The following TEX36 variants were observed in gnomAD, a reference collection of about 807,000 sequenced individuals.
The protein encoded by TEX36 is testis-expressed protein 36.
A neutral mutation model predicts 13.6 loss-of-function variants in TEX36; 12 were observed. The ratio of observed to expected loss-of-function variants is 0.88; its 90% CI spans 0.56 to 1.43. The LOEUF (loss-of-function observed/expected upper bound fraction) is 1.43, where lower values mean the gene tolerates loss of function less well. TEX36 is among the 40% of genes most tolerant of loss of function. The pLI is 0.00. For missense variants in TEX36, 224 were observed against 228.3 expected, an observed-to-expected ratio of 0.98 and a Z score of 0.12; for synonymous variants, 93 against 83.0, an observed-to-expected ratio of 1.12 and a Z score of -0.65.
At chr10:125,614,101 G>A (rs11244579) in intron 3 of TEX36, among the ~76,000 whole-genome samples, 7,001 of 152,222 alleles carry the variant, frequency 0.046, 181 homozygotes, top group East Asian at 0.085. Flanking sequence ...GTTTGTTCAT[G>A]TCCTTTGCCC....
chr10:125,605,895 C>T (rs1285540712), intron 3 of TEX36, among the ~76,000 whole-genome samples: 1 of 152,222 alleles, frequency 6.6e-6, no homozygotes, highest in Non-Finnish European at 1.5e-5. Flanking sequence ...AGCCACCACG[C>T]CCAGCCAGAT....
chr10:125,595,099 A>G (rs987091002), intron 3 of TEX36, among the ~76,000 whole-genome samples: 5 of 152,224 alleles, frequency 3.3e-5, no homozygotes, highest in Admixed American at 2.6e-4. Flanking sequence ...TGAAAATGTA[A>G]GTGAAAATGA....
At chr10:125,603,812 T>G (rs1426939676) in intron 3 of TEX36, among the ~76,000 whole-genome samples, 5 of 151,694 alleles carry the variant, frequency 3.3e-5, no homozygotes, top group African/African-American at 1.2e-4. Context: ...TACACCCCCC[T>G]CCACCGGAAC....
At chr10:125,604,556 G>A (rs555074891) in intron 3 of TEX36, among the ~76,000 whole-genome samples, 92 of 152,166 alleles carry the variant, frequency 6.0e-4, no homozygotes, top group Non-Finnish European at 1.2e-3. Flanking sequence ...GCTCATGCCT[G>A]CAATCCCAGC....
chr10:125,582,937 A>G (rs570352755), intron 3 of TEX36, among the ~76,000 whole-genome samples: 1 of 152,320 alleles, frequency 6.6e-6, no homozygotes, highest in South Asian at 2.1e-4. Context: ...TTCCATGGAG[A>G]TCTATTCCAC....
chr10:125,618,700 C>T (rs1846388444), downstream of TEX36, among the ~76,000 whole-genome samples: 1 of 152,092 alleles, frequency 6.6e-6, no homozygotes, highest in Non-Finnish European at 1.5e-5. Flanking sequence ...AGTGCAGGTC[C>T]TGCCCACCCT....
At chr10:125,592,899 G>A (rs1846038902) in intron 3 of TEX36, among the ~76,000 whole-genome samples, 1 of 152,196 alleles carries the variant, frequency 6.6e-6, no homozygotes, top group Non-Finnish European at 1.5e-5. Flanking sequence ...CCTAGGATGA[G>A]GTATGGAGGA....
chr10:125,618,681 C>A (rs934041643), downstream of TEX36, among the ~76,000 whole-genome samples: 1 of 152,016 alleles, frequency 6.6e-6, no homozygotes, highest in Non-Finnish European at 1.5e-5. Context: ...GATACCATGG[C>A]CTTCAGCTAG....
intron 3 of TEX36, among the ~76,000 whole-genome samples, chr10:125,577,904 A>G (rs1193037927): frequency 6.6e-6 from 1 of 152,268 alleles, no homozygotes; most frequent in Non-Finnish European, 1.5e-5. Flanking sequence ...AGAGAGGAGA[A>G]AGAAAGATTA....
Position 125,661,979 on chromosome 10 carries a change from T to G in TEX36, c.52-2A>C. 6.4e-7 allele frequency: 1 copy of G among 1,552,402 alleles called. No homozygotes were observed. Among genetic ancestry groups the G allele is most frequent in the African/African-American group, 1.4e-5 (1 of 73,170 alleles). On this transcript the variant is annotated splice_acceptor_variant, in intron 1 of 3. Coordinates refer to ENST00000368821, the MANE Select transcript of TEX36 (RefSeq NM_001128202.3). LOFTEE classifies it high-confidence loss of function. ...TTGCGTTAGCCCGATGTGAGGGAAC[T>G]GGAAGAACAGCACACGCCTTGATTA... is the stretch of plus-strand genomic sequence containing the variant.
At chr10:125,659,618 T>C (rs897213414) in intron 3 of TEX36, among the ~76,000 whole-genome samples, 1 of 152,132 alleles carries the variant, frequency 6.6e-6, no homozygotes, top group African/African-American at 2.4e-5. Flanking sequence ...GAAAACCAGA[T>C]TTCTGGGGTT....
rs141145297 is a variant in TEX36, at chr10:125,637,532, GC to G, written c.265-15888del. On this transcript the variant is annotated intron_variant, in intron 3 of 3. Transcript: ENST00000526819. ...TCACATCTTAGCGATTGTGAACAGT[GC>G]TGCAGTGAACAGAGGAGTGCACACA... Among the ~76,000 whole-genome samples the G allele has an allele frequency of 8.2e-3, 1,252 of 152,264 alleles. 17 individuals carry two copies. The highest frequency in any genetic ancestry group is 0.028 in the African/African-American group (1,180 of 41,542).
At chr10:125,625,646 A>G (rs916224319) in intron 3 of TEX36, among the ~76,000 whole-genome samples, 2 of 152,256 alleles carry the variant, frequency 1.3e-5, no homozygotes, top group African/African-American at 4.8e-5. Flanking sequence ...TGTAATTTAC[A>G]TAACATAGAT....
At chr10:125,647,673 A>G (rs961046748) in intron 3 of TEX36, among the ~76,000 whole-genome samples, 1 of 151,970 alleles carries the variant, frequency 6.6e-6, no homozygotes, top group Non-Finnish European at 1.5e-5. Flanking sequence ...GGCTTGTCAG[A>G]CAGTGGGTGC....
intron 3 of TEX36, among the ~76,000 whole-genome samples, chr10:125,600,914 C>T (rs1846138266): frequency 6.6e-6 from 1 of 152,182 alleles, no homozygotes; most frequent in East Asian, 1.9e-4. Flanking sequence ...CCTGGAACTG[C>T]ACTAATCCCA....
intron 3 of TEX36, among the ~76,000 whole-genome samples, chr10:125,597,478 G>A (rs770633279): frequency 4.3e-4 from 66 of 152,210 alleles, no homozygotes; most frequent in Admixed American, 9.8e-4. Flanking sequence ...AGTTTCTAAT[G>A]GTAGGGTTAC....
chr10:125,614,107 T>C (rs1382923816), intron 3 of TEX36, among the ~76,000 whole-genome samples: 4 of 152,234 alleles, frequency 2.6e-5, no homozygotes, highest in Non-Finnish European at 5.9e-5. Flanking sequence ...TCATGTCCTT[T>C]GCCCACTTTT....
intron 1 of TEX36, among the ~76,000 whole-genome samples, chr10:125,672,214 G>T (rs1847243677): frequency 6.6e-6 from 1 of 152,070 alleles, no homozygotes; most frequent in Admixed American, 6.5e-5. Flanking sequence ...TCTTTTAGTT[G>T]TGATGTTAGT....
intron 3 of TEX36, among the ~76,000 whole-genome samples, chr10:125,600,773 G>T (rs1846136014): frequency 6.6e-6 from 1 of 152,164 alleles, no homozygotes; most frequent in African/African-American, 2.4e-5. Context: ...CCCACGGAAT[G>T]ACCTGAAAGC....
Sources: allele counts gnomAD v4.1 joint callset (sites outside exome capture counted in the v4.1 genomes callset), GRCh38; gene constraint gnomAD v4.1.1; transcripts MANE v1.5; gene names NCBI Gene and HGNC (gene_info 2026-07-23, HGNC 2026-07-21).